VPS13D: variants seen among roughly 807,000 people sequenced by gnomAD.
VPS13D encodes vacuolar protein sorting 13 homolog D.
In VPS13D, 187 loss-of-function variants were observed where a neutral mutation model predicts 461.9. The ratio of observed to expected loss-of-function variants is 0.40; its 90% CI spans 0.36 to 0.46. VPS13D has a LOEUF of 0.46. VPS13D is among the 20% of genes least tolerant of loss of function. VPS13D has a pLI of 0.60. For missense variants in VPS13D, 4,711 were observed against 5,364.9 expected, an observed-to-expected ratio of 0.88 and a Z score of 3.81; for synonymous variants, 1,951 against 1,986.3, an observed-to-expected ratio of 0.98 and a Z score of 0.47.
Position 12,386,267 on chromosome 1 carries a change from G to T in VPS13D, c.11567G>T (p.Gly3856Val). 1 of 1,613,684 alleles carries T rather than the reference G, an allele frequency of 6.2e-7. No individual in the cohort carries two copies. The highest frequency in any genetic ancestry group is 8.5e-7 in the Non-Finnish European group (1 of 1,179,838). The change falls in exon 60 of 70, where the codon GGA becomes GTA. Residue 3856 changes from glycine to valine, a missense_variant. Gly to Val is a moderately radical substitution (Grantham distance 109, BLOSUM62 -3). Transcript: ENST00000620676. Reference protein sequence around the residue: ...PEELVFASLTGINVHYTQLAT... With the variant: ...PEELVFASLTVINVHYTQLAT... ...GAACTGGTCTTTGCAAGTCTTACAGGAATCAATGTGCACTATACACAGCTG... is the reference window on the plus strand; with the variant it reads ...GAACTGGTCTTTGCAAGTCTTACAGTAATCAATGTGCACTATACACAGCTG...
chr1:12,313,170 C>G (rs1424212624), intron 29 of VPS13D, among the ~76,000 whole-genome samples: 9 of 152,108 alleles, frequency 5.9e-5, no homozygotes, highest in Non-Finnish European at 1.2e-4. Flanking sequence ...CTGAAGCACT[C>G]TGTCTTCTAG....
At chr1:12,487,872 G>A (rs1013288647) in intron 67 of VPS13D, among the ~76,000 whole-genome samples, 6 of 151,844 alleles carry the variant, frequency 4.0e-5, no homozygotes, top group Admixed American at 3.9e-4. Flanking sequence ...TTTTTTGAAA[G>A]CGCCTGCTGT....
At chr1:12,285,977 CCTTTCCTT>C (rs1641958264) in intron 21 of VPS13D, among the ~76,000 whole-genome samples, 94 of 131,318 alleles carry the variant, frequency 7.2e-4, no homozygotes, top group East Asian at 4.3e-3. Context: ...CCTTTCCTTT[CCTTTCCTT>C]TCCTTTCCTC....
chr1:12,298,533 G>A (rs555025772), intron 24 of VPS13D, among the ~76,000 whole-genome samples: 5 of 152,060 alleles, frequency 3.3e-5, no homozygotes, highest in Middle Eastern at 3.4e-3. Flanking sequence ...CCAGCTACTC[G>A]GGAGGCTGAG....
rs1022949926 is a variant in VPS13D at position 12,505,815 on chromosome 1, G to A, written c.12795-1038G>A. On this transcript the variant is annotated intron_variant, in intron 68 of 69. Coordinates refer to ENST00000620676, the MANE Select transcript of VPS13D (RefSeq NM_015378.4). This position sits in a 1 kb window ranked among gnomAD's most constrained non-coding sequence, Gnocchi z 4.2. Reference sequence around the variant, plus strand: ...GGATCTAGAGAAGTTGGGAGAGCAGGTGTGCGTCCTGCACGGACCCCAAGT... The same window carrying A: ...GGATCTAGAGAAGTTGGGAGAGCAGATGTGCGTCCTGCACGGACCCCAAGT... 6.6e-6 allele frequency among the ~76,000 whole-genome samples: 1 copy of A among 152,214 alleles called. No individual in the cohort carries two copies. Among genetic ancestry groups the A allele is most frequent in the Non-Finnish European group, 1.5e-5 (1 of 68,032 alleles).
At chr1:12,496,404 G>A (rs1199924544) in intron 67 of VPS13D, among the ~76,000 whole-genome samples, 1 of 152,190 alleles carries the variant, frequency 6.6e-6, no homozygotes. Flanking sequence ...ATTTTCTGGG[G>A]TTGTTTCTGT....
chr1:12,268,914 GA>G, intron 16 of VPS13D, 38 bp downstream of exon 16: 1 of 1,585,342 alleles, frequency 6.3e-7, no homozygotes. Flanking sequence ...TGTTCCTTTT[GA>G]AAAACATCTT....
chr1:12,359,550 G>A (rs1017455591), intron 50 of VPS13D, among the ~76,000 whole-genome samples: 33 of 152,200 alleles, frequency 2.2e-4, no homozygotes, highest in African/African-American at 6.0e-4. Context: ...TACTGGCACC[G>A]TATTGGACAG....
At chr1:12,409,849 A>G (rs1022006793) in intron 63 of VPS13D, 22 of 455,710 alleles carry the variant, frequency 4.8e-5, no homozygotes, top group Non-Finnish European at 7.9e-5. Context: ...CAAAACAGCC[A>G]GGACTGGAGA....
rs1342238997 is a variant in VPS13D, at chr1:12,436,374, C to CAGGGAGCAGTCCCAGCAGG, written c.12333+19555_12333+19573dup. ...ACAGGTGGGGACAAGAAGAGGCACA[C>CAGGGAGCAGTCCCAGCAGG]AGGGAGCAGTCCCAGCAGGAGGGAG... is the stretch of plus-strand genomic sequence containing the variant. On this transcript the variant is annotated intron_variant, in intron 65 of 69. Transcript: ENST00000620676. Among the ~76,000 whole-genome samples the CAGGGAGCAGTCCCAGCAGG allele has an allele frequency of 3.3e-5, 5 of 152,246 alleles. No individual in the cohort carries two copies. The East Asian group carries it at 9.7e-4, about 29-fold the overall frequency.
rs1642147201 is a variant in VPS13D, at chr1:12,292,092, C to T, written c.5852+968C>T. Among the ~76,000 whole-genome samples the T allele has an allele frequency of 2.0e-5, 3 of 151,840 alleles. No homozygotes were observed. In the South Asian group the frequency reaches 6.3e-4, roughly 32 times the overall value. Reference sequence around the variant, plus strand: ...TGGCCAACATGATGAAACCCCATCTCTACCAAAAATATAAAAATTAGCGGG... The same window carrying T: ...TGGCCAACATGATGAAACCCCATCTTTACCAAAAATATAAAAATTAGCGGG... On this transcript the variant is annotated intron_variant, in intron 23 of 69. Coordinates refer to ENST00000620676, the MANE Select transcript of VPS13D (RefSeq NM_015378.4).
At chr1:12,238,746 C>T (rs1253623368) in intron 2 of VPS13D, among the ~76,000 whole-genome samples, 1 of 151,914 alleles carries the variant, frequency 6.6e-6, no homozygotes. Flanking sequence ...AGCGATCCTC[C>T]TGCCTCAGCC....
intron 65 of VPS13D, among the ~76,000 whole-genome samples, chr1:12,443,205 C>A (rs1645150958): frequency 6.6e-6 from 1 of 152,176 alleles, no homozygotes; most frequent in Non-Finnish European, 1.5e-5. Context: ...TTAATTCTGC[C>A]TGTTTTTAAC....
chr1:12,268,595 A>G (rs967138055), intron 15 of VPS13D, 111 bp from the exon 16 acceptor site: 3 of 1,251,822 alleles, frequency 2.4e-6, no homozygotes, highest in South Asian at 3.0e-5. Flanking sequence ...ATGTGAACTA[A>G]TTGAAAAATA....
At chr1:12,286,343 G>T (rs1202587487) in intron 21 of VPS13D, among the ~76,000 whole-genome samples, 1 of 152,214 alleles carries the variant, frequency 6.6e-6, no homozygotes. Context: ...CTCCCAAAGT[G>T]CTGGGATTAC....
intron 10 of VPS13D, among the ~76,000 whole-genome samples, chr1:12,259,928 C>G (rs185999397): frequency 6.6e-6 from 1 of 151,176 alleles, no homozygotes; most frequent in African/African-American, 2.4e-5. Context: ...TACTCCTCAT[C>G]TGAGCTAAGG....
rs556392036 is a variant in VPS13D, at chr1:12,260,295, G to T, written c.1111-398G>T. On this transcript the variant is annotated intron_variant, in intron 10 of 69. Coordinates refer to ENST00000620676, the MANE Select transcript of VPS13D (RefSeq NM_015378.4). ...CCATCTCGGCCTCCCAAAGTGCTGG[G>T]ATTACAGGCGTGAGCCACCGCACCT... Among the ~76,000 whole-genome samples, 394 of 152,250 alleles carry T rather than the reference G, an allele frequency of 2.6e-3. 2 individuals are homozygous for T. Among genetic ancestry groups the T allele is most frequent in the African/African-American group, 9.1e-3 (377 of 41,542 alleles).
intron 27 of VPS13D, among the ~76,000 whole-genome samples, chr1:12,310,825 C>CTCCT (rs1329058114): frequency 1.8e-5 from 2 of 113,846 alleles, no homozygotes; most frequent in Non-Finnish European, 3.9e-5. Context: ...CCCTCCTTCC[C>CTCCT]TCCTTCCTTC....
intron 26 of VPS13D, 54 bp from the exon 27 acceptor site, chr1:12,308,377 C>G: frequency 6.3e-7 from 1 of 1,587,362 alleles, no homozygotes; most frequent in Non-Finnish European, 8.6e-7. Flanking sequence ...TTTAGTGCAA[C>G]CCCTTTTTGG....
Sources: allele counts gnomAD v4.1 joint callset (sites outside exome capture counted in the v4.1 genomes callset), GRCh38; gene constraint gnomAD v4.1.1; non-coding constraint Gnocchi (gnomAD v3.1); transcripts MANE v1.5; gene names NCBI Gene and HGNC (gene_info 2026-07-23, HGNC 2026-07-21).